FLT1: variants seen among roughly 807,000 people sequenced by gnomAD.
The protein encoded by FLT1 is fms related receptor tyrosine kinase 1.
FLT1 carries 49 observed loss-of-function variants against 156.3 expected under a neutral mutation model. That is an observed-to-expected ratio of 0.31 (90% CI 0.25 to 0.40). FLT1 has a LOEUF of 0.40. Among genes scored for constraint, FLT1 ranks in the 10% least tolerant of loss-of-function variants. FLT1 has a pLI of 1.00. For synonymous variants in FLT1, 594 were observed against 583.8 expected (o/e 1.02, Z -0.25); for missense variants, 1,322 against 1,637.2 (o/e 0.81, Z 3.32).
chr13:28,312,607 T>C (rs1042415227), intron 25 of FLT1, among the ~76,000 whole-genome samples: 1 of 152,236 alleles, frequency 6.6e-6, no homozygotes, highest in Non-Finnish European at 1.5e-5. Flanking sequence ...TGGTTTGAGC[T>C]GGCTTCTTAA....
Position 28,322,410 on chromosome 13 carries a change from C to A in FLT1, c.2954-51G>T. ...TTTGTAATGGCTCTTGTTATCCCAC[C>A]AAATCCCAGTTTATTGGAACAATGT... is the stretch of plus-strand genomic sequence containing the variant. On this transcript the variant is annotated intron_variant, in intron 21 of 29. Coordinates refer to ENST00000282397, the MANE Select transcript of FLT1 (RefSeq NM_002019.4). The surrounding 1 kb of genome is among the most constrained non-coding windows in gnomAD (Gnocchi z 4.3). 1 of 1,150,078 alleles carries A rather than the reference C, an allele frequency of 8.7e-7. No individual in the cohort carries two copies. Among genetic ancestry groups the A allele is most frequent in the South Asian group, 1.2e-5 (1 of 81,588 alleles). 71.2% of individuals were successfully genotyped at this position (1,150,078 alleles called of 1,614,324 possible).
At chr13:28,312,786 C>A (rs1470586676) in intron 25 of FLT1, among the ~76,000 whole-genome samples, 1 of 151,976 alleles carries the variant, frequency 6.6e-6, no homozygotes. Flanking sequence ...GATCATTCTC[C>A]CCCAGCACTG....
At position 28,431,130 on chromosome 13, in the gene FLT1, G is replaced by C. The variant is rs757733103; in HGVS notation, c.988+6C>G. 1 of 1,610,230 alleles carries C rather than the reference G, an allele frequency of 6.2e-7. No homozygotes were observed. On this transcript the variant is annotated splice_donor_region_variant and intron_variant, in intron 7 of 29. Transcript: ENST00000282397. ...GCATGAGTTGGCAACGCTGAACTAT[G>C]CTTACCATATATATGCACTGAGGTG...
chr13:28,493,946 T>C (rs924573733), intron 1 of FLT1, among the ~76,000 whole-genome samples: 5 of 152,230 alleles, frequency 3.3e-5, no homozygotes, highest in African/African-American at 9.6e-5. Context: ...AAGGCTAGGC[T>C]TGTAAGTCAG....
intron 15 of FLT1, among the ~76,000 whole-genome samples, chr13:28,351,968 G>T (rs1262063650): frequency 1.3e-5 from 2 of 152,162 alleles, no homozygotes; most frequent in African/African-American, 4.8e-5. Context: ...TACAAAGATT[G>T]GTATACCATC....
At chr13:28,351,414 ACT>A (rs1224030214) in intron 15 of FLT1, among the ~76,000 whole-genome samples, 1 of 152,008 alleles carries the variant, frequency 6.6e-6, no homozygotes, top group Non-Finnish European at 1.5e-5. Context: ...CTTTGACCTG[ACT>A]CTCAAGATCC....
chr13:28,329,578 A>G (rs773110468), intron 19 of FLT1, 37 bp downstream of exon 19: 7 of 1,399,566 alleles, frequency 5.0e-6, no homozygotes, highest in Non-Finnish European at 7.1e-6. Flanking sequence ...CAGCCTGTGC[A>G]GGGGGAGACG....
chr13:28,444,842 TAA>T (rs1878521351), intron 3 of FLT1, among the ~76,000 whole-genome samples: 4 of 8,162 alleles, frequency 4.9e-4, no homozygotes, highest in Non-Finnish European at 1.2e-3. Flanking sequence ...CACAGCATAC[TAA>T]AATTTAAAAT....
intron 1 of FLT1, among the ~76,000 whole-genome samples, chr13:28,469,610 C>A (rs1293528987): frequency 6.6e-6 from 1 of 152,222 alleles, no homozygotes; most frequent in African/African-American, 2.4e-5. Flanking sequence ...CAGATGCCCA[C>A]TATCACCAAC....
chr13:28,316,945 A>C (rs1273298073), intron 25 of FLT1, among the ~76,000 whole-genome samples: 1 of 152,138 alleles, frequency 6.6e-6, no homozygotes, highest in Non-Finnish European at 1.5e-5. Flanking sequence ...AAAGGATTCT[A>C]AAGAAGTTGT....
chr13:28,347,038 C>A (rs1872590929), intron 15 of FLT1, among the ~76,000 whole-genome samples: 1 of 152,046 alleles, frequency 6.6e-6, no homozygotes, highest in Non-Finnish European at 1.5e-5. Flanking sequence ...TCAAACCTAA[C>A]CAAGAGACTT....
intron 1 of FLT1, among the ~76,000 whole-genome samples, chr13:28,490,187 T>C (rs1428562034): frequency 1.3e-5 from 2 of 152,142 alleles, no homozygotes; most frequent in Non-Finnish European, 2.9e-5. Flanking sequence ...ATTGGGTCAA[T>C]GAGGTTCCAT....
intron 3 of FLT1, among the ~76,000 whole-genome samples, chr13:28,457,690 T>C (rs1481869877): frequency 6.6e-6 from 1 of 152,220 alleles, no homozygotes; most frequent in Non-Finnish European, 1.5e-5. Context: ...GTTGAAGTTA[T>C]GAAATGCCAG....
chr13:28,450,347 G>C (rs1878862587), intron 3 of FLT1, among the ~76,000 whole-genome samples: 1 of 152,180 alleles, frequency 6.6e-6, no homozygotes, highest in African/African-American at 2.4e-5. Context: ...CTAGATTTAA[G>C]CTTGATGGAC....
chr13:28,489,619 G>A (rs781424341), intron 1 of FLT1, among the ~76,000 whole-genome samples: 28 of 152,318 alleles, frequency 1.8e-4, no homozygotes, highest in Non-Finnish European at 3.5e-4. Flanking sequence ...CACAGAGGGA[G>A]GGAAAAGGTC....
chr13:28,469,746 A>G (rs1016721965), intron 1 of FLT1, among the ~76,000 whole-genome samples: 5 of 152,142 alleles, frequency 3.3e-5, no homozygotes, highest in Non-Finnish European at 5.9e-5. Context: ...AATATCTTTT[A>G]AATTTTTATT....
chr13:28,365,849 C>A (rs943680056), intron 14 of FLT1, among the ~76,000 whole-genome samples: 3 of 152,150 alleles, frequency 2.0e-5, no homozygotes, highest in African/African-American at 4.8e-5. Context: ...TTATTTATTT[C>A]TCTTTACTCT....
intron 25 of FLT1, among the ~76,000 whole-genome samples, chr13:28,315,445 A>G (rs1593672547): frequency 6.6e-6 from 1 of 152,124 alleles, no homozygotes; most frequent in Non-Finnish European, 1.5e-5. Context: ...AGTCCCAGCA[A>G]CTCAGTAGGC....
At chr13:28,385,660 A>C (rs1328546873) in intron 13 of FLT1, 2 of 1,009,974 alleles carry the variant, frequency 2.0e-6, no homozygotes, top group Non-Finnish European at 2.4e-6. Flanking sequence ...TAGTTTTTGC[A>C]CTATATAATA....
Sources: gnomAD v4.1 joint callset for allele counts (sites outside exome capture counted in the v4.1 genomes callset) on GRCh38, gnomAD v4.1.1 for gene constraint, Gnocchi (gnomAD v3.1) non-coding constraint, MANE v1.5 for transcripts, NCBI Gene and HGNC (gene_info 2026-07-23, HGNC 2026-07-21) for gene names.